UMOD: variants seen among roughly 807,000 people sequenced by gnomAD.
The protein encoded by UMOD is Tamm-Horsfall urinary glycoprotein.
A neutral mutation model predicts 66.0 loss-of-function variants in UMOD; 64 were observed. The ratio of observed to expected loss-of-function variants is 0.97; its 90% CI spans 0.79 to 1.19. The LOEUF (loss-of-function observed/expected upper bound fraction) is 1.19, where lower values mean the gene tolerates loss of function less well. Among genes scored for constraint, UMOD ranks in the 50% most tolerant of loss-of-function variants. UMOD has a pLI of 0.00. For missense variants in UMOD, 764 were observed against 850.9 expected (o/e 0.90, Z 1.27); for synonymous variants, 398 against 352.7 (o/e 1.13, Z -1.44).
chr16:20,336,041 G>A (rs946692400), intron 9 of UMOD, among the ~76,000 whole-genome samples: 1 of 152,146 alleles, frequency 6.6e-6, no homozygotes, highest in Non-Finnish European at 1.5e-5. Flanking sequence ...CTTGCCTTGG[G>A]GGCTAGACTG....
rs545653442 is a variant in UMOD, at chr16:20,347,314, C to T, written c.973+909G>A. Among the ~76,000 whole-genome samples the T allele has an allele frequency of 9.8e-5, 15 of 152,324 alleles. No individual in the cohort carries two copies. The South Asian group carries it at 2.9e-3, about 30-fold the overall frequency. ...CTGGGATTACAGGCATGAGCCACTG[C>T]GCCCGGCCCACTAACTTCCCTCTCA... On this transcript the variant is annotated intron_variant, in intron 4 of 10. Coordinates refer to ENST00000396138, the MANE Select transcript of UMOD (RefSeq NM_003361.4).
chr16:20,341,310 G>T lies in UMOD; in HGVS notation c.1358C>A (p.Thr453Asn). 6.2e-7 allele frequency: 1 copy of T among 1,613,944 alleles called. No homozygotes were observed. Among genetic ancestry groups the T allele is most frequent in the Non-Finnish European group, 8.5e-7 (1 of 1,180,024 alleles). Residue 453 changes from threonine (T) to asparagine (N), a missense_variant, in exon 7 of 11, where the codon ACC (threonine) becomes AAC (asparagine). Thr to Asn is a moderately conservative substitution (Grantham distance 65). Transcript: ENST00000396138. ...VSALNIRVGG[T>N]GMFTVRMALF... ...CGCCATCCGCACGGTGAACATGCCG[G>T]TCCCGCCCACTCTGATGTTTAGAGC...
At chr16:20,345,457 T>G (rs1308758721) in intron 5 of UMOD, among the ~76,000 whole-genome samples, 1 of 132,448 alleles carries the variant, frequency 7.6e-6, no homozygotes, top group Non-Finnish European at 1.6e-5. Flanking sequence ...TTTCTTCCTT[T>G]CTTTCCTTCC....
chr16:20,349,737 C>G, intron 2 of UMOD: 1 of 1,533,874 alleles, frequency 6.5e-7, no homozygotes, highest in South Asian at 1.2e-5. Context: ...AACCTGTTGC[C>G]CCTCCCTTTC....
At chr16:20,355,485 C>A (rs1055115113), upstream of UMOD, among the ~76,000 whole-genome samples, 3 of 151,242 alleles carry the variant, frequency 2.0e-5, no homozygotes, top group African/African-American at 7.3e-5. Flanking sequence ...CTCACTGCAA[C>A]CTCCACCTCC....
intron 6 of UMOD, among the ~76,000 whole-genome samples, chr16:20,343,284 C>T (rs544914564): frequency 6.6e-6 from 1 of 152,228 alleles, no homozygotes; most frequent in South Asian, 2.1e-4. Flanking sequence ...TAAAATACTA[C>T]GTGGCACCCA....
intron 6 of UMOD, among the ~76,000 whole-genome samples, chr16:20,343,200 A>G (rs1252622239): frequency 2.0e-5 from 3 of 149,912 alleles, no homozygotes; most frequent in African/African-American, 7.3e-5. Flanking sequence ...ATTTTCCATC[A>G]TTGGCCTGTG....
intron 6 of UMOD, among the ~76,000 whole-genome samples, chr16:20,343,364 AG>A (rs1386825137): frequency 6.6e-6 from 1 of 152,168 alleles, no homozygotes; most frequent in Non-Finnish European, 1.5e-5. Flanking sequence ...GACACTTGCA[AG>A]GAGCGTAATT....
At chr16:20,354,257 A>G (rs1965995702), upstream of UMOD, among the ~76,000 whole-genome samples, 2 of 152,144 alleles carry the variant, frequency 1.3e-5, no homozygotes, top group Non-Finnish European at 2.9e-5. Context: ...AACCACTGGC[A>G]CTGGTGTTGT....
chr16:20,345,918 C>G (rs1965555770), intron 5 of UMOD, among the ~76,000 whole-genome samples: 1 of 152,224 alleles, frequency 6.6e-6, no homozygotes, highest in Non-Finnish European at 1.5e-5. Context: ...TGTGCAGTCA[C>G]TGTCCTAATC....
chr16:20,333,349 G>A lies in UMOD; in HGVS notation c.1888C>T (p.Leu630Phe). 1 of 1,613,342 alleles carries A rather than the reference G, an allele frequency of 6.2e-7. No homozygotes were observed. The highest frequency in any genetic ancestry group is 8.5e-7 in the Non-Finnish European group (1 of 1,179,774). The change falls in exon 11 of 11, where the codon CTT (leucine) becomes TTT (phenylalanine). Residue 630 changes from leucine to phenylalanine, a missense_variant. Leu to Phe is a conservative substitution (Grantham distance 22, BLOSUM62 0). Transcript: ENST00000396138. ...LGLLKVWLPLLLSATLTLTFQ is the reference protein window; with the variant it reads ...LGLLKVWLPLFLSATLTLTFQ ...GTCAGGGTCAAGGTGGCCGAGAGAA[G>A]CAGAGGCAGCCAGACTTTCAGGAGC...
rs1260813704 is a variant in UMOD at position 20,350,758 on chromosome 16, C to T, written c.-21G>A. On this transcript the variant is annotated 5_prime_UTR_variant, in exon 2 of 11. Coordinates refer to ENST00000396138, the MANE Select transcript of UMOD (RefSeq NM_003361.4). ...CCCATCCTTTCTGCTCTTCCCGCTA[C>T]TTCAGGTCTAGATAGCACCTGCCCA... is the stretch of plus-strand genomic sequence containing the variant. 9 of 1,614,028 alleles carry T rather than the reference C, an allele frequency of 5.6e-6. No individual in the cohort carries two copies. Among genetic ancestry groups the T allele is most frequent in the African/African-American group, 4.0e-5 (3 of 74,938 alleles).
At chr16:20,335,634 A>G in intron 9 of UMOD, 114 bp from the exon 10 acceptor site, 1 of 1,037,426 alleles carries the variant, frequency 9.6e-7, no homozygotes, top group South Asian at 1.3e-5. Context: ...GATCTCTTCA[A>G]AACCCAAATC....
chr16:20,343,151 A>ATAAATAAATAATTAAT (rs34049357), intron 6 of UMOD, among the ~76,000 whole-genome samples: 5 of 151,334 alleles, frequency 3.3e-5, no homozygotes, highest in Admixed American at 1.3e-4. Context: ...AAATAAATAA[A>ATAAATAAATAATTAAT]TAAATAATCA....
chr16:20,342,794 A>T (rs1337171046), intron 6 of UMOD, among the ~76,000 whole-genome samples: 1 of 152,220 alleles, frequency 6.6e-6, no homozygotes, highest in Non-Finnish European at 1.5e-5. Context: ...TTCCAGGCAG[A>T]ACACTGGCTA....
intron 6 of UMOD, among the ~76,000 whole-genome samples, 168 bp downstream of exon 6, chr16:20,343,856 T>C (rs748940133): frequency 1.1e-4 from 16 of 152,232 alleles, no homozygotes; most frequent in Admixed American, 2.0e-4. Flanking sequence ...TATGACAAAG[T>C]CTAGATTTGA....
intron 5 of UMOD, among the ~76,000 whole-genome samples, chr16:20,344,949 C>G (rs368874957): frequency 1.3e-5 from 2 of 152,198 alleles, no homozygotes; most frequent in Non-Finnish European, 2.9e-5. Context: ...AACTGAAAAC[C>G]ATATGCCAAG....
upstream of UMOD, among the ~76,000 whole-genome samples, chr16:20,354,544 A>C (rs372469372): frequency 4.6e-5 from 7 of 151,988 alleles, no homozygotes; most frequent in Admixed American, 1.3e-4. Context: ...TTTTTTCTGA[A>C]CTAGTCGTTT....
chr16:20,349,280 C>T, intron 2 of UMOD, 68 bp from the exon 3 acceptor site: 1 of 1,537,572 alleles, frequency 6.5e-7, no homozygotes, highest in East Asian at 2.4e-5. Context: ...AGATCCTTCC[C>T]TCATTCTCCA....
Sources: gnomAD v4.1 joint callset for allele counts (sites outside exome capture counted in the v4.1 genomes callset) on GRCh38, gnomAD v4.1.1 for gene constraint, MANE v1.5 for transcripts, NCBI Gene and HGNC (gene_info 2026-07-23, HGNC 2026-07-21) for gene names.